Variants in HES4 observed in about 807,000 individuals in gnomAD.
HES4 encodes the protein transcription factor HES-4.
A neutral mutation model predicts 10.7 loss-of-function variants in HES4; 17 were observed. The ratio of observed to expected loss-of-function variants is 1.59; its 90% CI spans 1.09 to 2.38. HES4 has a LOEUF of 2.38. HES4 is among the 30% of genes most tolerant of loss of function. HES4 has a pLI of 0.00. For missense variants in HES4, 389 were observed against 332.1 expected (o/e 1.17, Z -1.33); for synonymous variants, 189 against 159.7 (o/e 1.18, Z -1.38).
In HES4 at chr1:999,936, G is replaced by A. The variant is rs371089974; in HGVS notation, c.38C>T (p.Pro13Leu). Residue 13 changes from proline (P) to leucine (L), a missense_variant, in exon 1 of 4, where the codon CCG (proline) becomes CTG (leucine). Physicochemically the swap from Pro to Leu is moderately conservative, Grantham distance 98. Transcript: ENST00000304952. ...GGCGCTGGCCGGCGCTCCTGCCATC[G>A]GCGAGGCGCTCGGTTTCCCCGGCGT... Reference protein sequence around the residue: ...ADTPGKPSASPMAGAPASASR... With the variant: ...ADTPGKPSASLMAGAPASASR... The A allele has an allele frequency of 3.4e-6, 5 of 1,458,864 alleles. No homozygotes were observed. Among genetic ancestry groups the A allele is most frequent in the East Asian group, 6.0e-5 (2 of 33,348 alleles). 90.4% of individuals were successfully genotyped at this position (1,458,864 alleles called of 1,614,324 possible). A position where few individuals can be genotyped will look rare whatever the true frequency, so the allele number is the denominator to read the frequency against.
Position 1,000,094 on chromosome 1 carries a change from C to CCGCG in HES4, c.-122_-121insCGCG. ...CCTAGGGCGGATCCCGGCTCCAGGC[C>CCGCG]CGCGCGCGCCTCAGGCCGTTTCCCT... On this transcript the variant is annotated 5_prime_UTR_variant, in exon 1 of 4. Coordinates refer to ENST00000304952, the MANE Select transcript of HES4 (RefSeq NM_021170.4). 1 of 818,784 alleles carries CCGCG rather than the reference C, an allele frequency of 1.2e-6. No individual in the cohort carries two copies. Among genetic ancestry groups the CCGCG allele is most frequent in the Non-Finnish European group, 1.6e-6 (1 of 639,426 alleles). 50.7% of individuals were successfully genotyped at this position (818,784 alleles called of 1,614,324 possible). A position where few individuals can be genotyped will look rare whatever the true frequency, so the allele number is the denominator to read the frequency against.
At position 999,540 on chromosome 1, in the gene HES4, C is replaced by G; in HGVS notation, c.278G>C (p.Arg93Pro). ...CCGCGCCTCACCCGTCACCTGCACG[C>G]GACGCAGGCTCCGCAGGTGTCTCAC... ...MTVRHLRSLR[R>P]VQVTAALSAD... The change falls in exon 3 of 4, where the codon CGC (arginine) becomes CCC (proline). Residue 93 changes from arginine (R) to proline (P), a missense_variant. Coordinates refer to ENST00000304952, the MANE Select transcript of HES4 (RefSeq NM_021170.4). 2 of 1,601,906 alleles carry G rather than the reference C, an allele frequency of 1.2e-6. No individual in the cohort carries two copies. The highest frequency in any genetic ancestry group is 1.4e-5 in the African/African-American group (1 of 73,940).
At position 1,000,044 on chromosome 1, in the gene HES4, C is replaced by A; in HGVS notation, c.-71G>T. On this transcript the variant is annotated 5_prime_UTR_variant, in exon 1 of 4. Transcript: ENST00000304952. ...GACCACGGGCGGGCTGGCGGGCGAG[C>A]GGCGAGCGCGCGGCGATCCGAGCCC... The A allele has an allele frequency of 8.5e-7, 1 of 1,173,262 alleles. No individual in the cohort carries two copies. The highest frequency in any genetic ancestry group is 1.1e-6 in the Non-Finnish European group (1 of 949,250). The allele number at this position is 1,173,262 out of a possible 1,614,324, so 72.7% of individuals were successfully genotyped here. A position where few individuals can be genotyped will look rare whatever the true frequency, so the allele number is the denominator to read the frequency against.
intron 3 of HES4, 37 bp downstream of exon 3, chr1:999,489 T>TC (rs776770657): frequency 2.6e-5 from 40 of 1,550,682 alleles, no homozygotes; most frequent in Non-Finnish European, 2.9e-5. Context: ...TCCCGCGCCC[T>TC]CCCCCCGCCT....
In HES4 at chr1:999,310, G is replaced by A. The variant is rs774240630; in HGVS notation, c.415C>T (p.Leu139=). 5 of 1,475,650 alleles carry A rather than the reference G, an allele frequency of 3.4e-6. No homozygotes were observed. In the South Asian group the frequency reaches 6.4e-5, roughly 19 times the overall value. 91.4% of individuals were successfully genotyped at this position (1,475,650 alleles called of 1,614,324 possible). A position where few individuals can be genotyped will look rare whatever the true frequency, so the allele number is the denominator to read the frequency against. The change falls in exon 4 of 4, where the codon CTG becomes TTG. Residue 139 remains leucine (L), a synonymous_variant. Coordinates refer to ENST00000304952, the MANE Select transcript of HES4 (RefSeq NM_021170.4). ...AGGCAGGCTGCCAGGTGGCCCAGCA[G>A]GCGGGAGCGCACGTCGGCCGGGACG... ...EGVPADVRSR[L]LGHLAACLRQ...
At position 1,000,094 on chromosome 1, in the gene HES4, CCG is replaced by C. The variant is rs1014128468; in HGVS notation, c.-123_-122del. On this transcript the variant is annotated 5_prime_UTR_variant, in exon 1 of 4. Transcript: ENST00000304952. Reference sequence around the variant, plus strand: ...CCTAGGGCGGATCCCGGCTCCAGGCCCGCGCGCGCCTCAGGCCGTTTCCCTAT... The same window carrying C: ...CCTAGGGCGGATCCCGGCTCCAGGCCCGCGCGCCTCAGGCCGTTTCCCTAT... The C allele has an allele frequency of 1.2e-6, 1 of 818,782 alleles. No individual in the cohort carries two copies. The highest frequency in any genetic ancestry group is 1.6e-6 in the Non-Finnish European group (1 of 639,424). 50.7% of individuals were successfully genotyped at this position (818,782 alleles called of 1,614,324 possible). A position where few individuals can be genotyped will look rare whatever the true frequency, so the allele number is the denominator to read the frequency against.
At position 999,868 on chromosome 1, in the gene HES4, T is replaced by A; in HGVS notation, c.106A>T (p.Lys36Ter). 1 of 1,556,586 alleles carries A rather than the reference T, an allele frequency of 6.4e-7. No homozygotes were observed. The highest frequency in any genetic ancestry group is 2.4e-5 in the East Asian group (1 of 41,294). The change falls in exon 1 of 4, where the codon AAG (lysine) becomes TAG (stop). Residue 36 changes from lysine to a stop codon, truncating the protein, a stop_gained and splice_region_variant. Coordinates refer to ENST00000304952, the MANE Select transcript of HES4 (RefSeq NM_021170.4). LOFTEE classifies it high-confidence loss of function. ...CTCACGCCCGGCCGGGACCCCACCT[T>A]GCGGTGCTCGGCCGCGCTCCGGGGC... ...DKPRSAAEHR[K>*]SSKPVMEKRR...
Position 999,539 on chromosome 1 carries a change from G to A in HES4, c.279C>T (p.Arg93=), listed in dbSNP as rs1276152628. The A allele has an allele frequency of 2.5e-6, 4 of 1,601,168 alleles. No individual in the cohort carries two copies. The East Asian group carries it at 6.8e-5, about 27-fold the overall frequency. The change falls in exon 3 of 4, where the codon CGC becomes CGT. Residue 93 remains arginine (R), a synonymous_variant. Coordinates refer to ENST00000304952, the MANE Select transcript of HES4 (RefSeq NM_021170.4). ...MTVRHLRSLR[R]VQVTAALSAD... is the part of the protein sequence containing the mutation. ...CCCGCGCCTCACCCGTCACCTGCAC[G>A]CGACGCAGGCTCCGCAGGTGTCTCA...
chr1:999,509 C>G lies in HES4; in HGVS notation c.292+17G>C. 1 of 1,577,074 alleles carries G rather than the reference C, an allele frequency of 6.3e-7. No homozygotes were observed. The highest frequency in any genetic ancestry group is 8.6e-7 in the Non-Finnish European group (1 of 1,164,588). ...CGCCCTCCCCCCGCCTCCAAGCCGC[C>G]GCCGCCCGCGCCTCACCCGTCACCT... On this transcript the variant is annotated intron_variant, in intron 3 of 3. Transcript: ENST00000304952.
At chr1:999,488 C>T (rs768679501) in intron 3 of HES4, 38 bp downstream of exon 3, 1 of 1,560,378 alleles carries the variant, frequency 6.4e-7, no homozygotes, top group Middle Eastern at 2.0e-4. Context: ...GTCCCGCGCC[C>T]TCCCCCCGCC....
chr1:999,453 G>A (rs780405198), intron 3 of HES4, 21 bp from the exon 4 acceptor site: 166 of 1,551,576 alleles, frequency 1.1e-4, no homozygotes, highest in Non-Finnish European at 1.3e-4. Flanking sequence ...GACACAGGAG[G>A]AGAGGTCGGT....
rs747930284 is a variant in HES4 at position 999,672 on chromosome 1, G to A, written c.204+20C>T. On this transcript the variant is annotated intron_variant, in intron 2 of 3. Coordinates refer to ENST00000304952, the MANE Select transcript of HES4 (RefSeq NM_021170.4). ...GCTGCGACCCAGACTCCGGGTCTCG[G>A]GCCTTCGCCCCCGACTTACCTCTTT... 3.1e-6 allele frequency: 5 copies of A among 1,611,628 alleles called. No individual in the cohort carries two copies. The South Asian group carries it at 5.5e-5, about 18-fold the overall frequency.
rs781051403 is a variant in HES4 at position 999,748 on chromosome 1, T to C, written c.148A>G (p.Ile50Val). Residue 50 changes from isoleucine (I) to valine (V), a missense_variant, in exon 2 of 4, where the codon ATT (isoleucine) becomes GTT (valine). Coordinates refer to ENST00000304952, the MANE Select transcript of HES4 (RefSeq NM_021170.4). ...PVMEKRRRAR[I>V]NESLAQLKTL... ...TTGAGCTGAGCGAGGCTCTCGTTAA[T>C]ACGCGCTCGGCGCCGCTTCTCCATG... 106 of 1,611,614 alleles carry C rather than the reference T, an allele frequency of 6.6e-5. No individual in the cohort carries two copies. The highest frequency in any genetic ancestry group is 8.9e-5 in the Non-Finnish European group (105 of 1,179,440).
Position 999,047 on chromosome 1 carries a change from AG to A in HES4, c.*11del, listed in dbSNP as rs1446529463. 1 of 1,265,238 alleles carries A rather than the reference AG, an allele frequency of 7.9e-7. No individual in the cohort carries two copies. The highest frequency in any genetic ancestry group is 1.0e-6 in the Non-Finnish European group (1 of 1,003,024). The allele number at this position is 1,265,238 out of a possible 1,614,324, so 78.4% of individuals were successfully genotyped here. On this transcript the variant is annotated 3_prime_UTR_variant, in exon 4 of 4. Transcript: ENST00000304952. ...GGGGCGCCGCCTCCGATGCAGTCTC[AG>A]GGCCACAGCCTCAGCGCAGCCACGG...
At position 999,630 on chromosome 1, in the gene HES4, G is replaced by A. The variant is rs1332390766; in HGVS notation, c.205-17C>T. ...GCGGGAGCTCTGGGGGCGGGGATAG[G>A]CGGGAGGTCCAGGTCAGCTGCGACC... On this transcript the variant is annotated splice_polypyrimidine_tract_variant and intron_variant, in intron 2 of 3. Coordinates refer to ENST00000304952, the MANE Select transcript of HES4 (RefSeq NM_021170.4). 1 of 1,608,198 alleles carries A rather than the reference G, an allele frequency of 6.2e-7. No homozygotes were observed. Among genetic ancestry groups the A allele is most frequent in the Admixed American group, 1.7e-5 (1 of 59,640 alleles).
Position 999,434 on chromosome 1 carries a change from T to A in HES4, c.293-2A>T, listed in dbSNP as rs1290462569. On this transcript the variant is annotated splice_acceptor_variant, in intron 3 of 3. Transcript: ENST00000304952. LOFTEE classifies it high-confidence loss of function. ...CGGCGGGGTCGGCGCTGAGCGCGGC[T>A]GCGGGAGCGACACAGGAGGAGAGGT... The A allele has an allele frequency of 2.6e-6, 4 of 1,512,578 alleles. No homozygotes were observed. The African/African-American group carries it at 5.8e-5, about 22-fold the overall frequency. The allele number at this position is 1,512,578 out of a possible 1,614,324, so 93.7% of individuals were successfully genotyped here.
chr1:999,794 G>A lies in HES4; in HGVS notation c.109-7C>T, dbSNP rs750389909. 2.5e-6 allele frequency: 4 copies of A among 1,610,474 alleles called. No homozygotes were observed. Among genetic ancestry groups the A allele is most frequent in the Middle Eastern group, 1.7e-4 (1 of 5,892 alleles). On this transcript the variant is annotated splice_polypyrimidine_tract_variant and splice_region_variant and intron_variant, in intron 1 of 3. Coordinates refer to ENST00000304952, the MANE Select transcript of HES4 (RefSeq NM_021170.4). Reference sequence around the variant, plus strand: ...CCATGACCGGCTTGGAGGACTGCGGGTCGGGCACCGGCTGAGTCCCGCGTC... The same window carrying A: ...CCATGACCGGCTTGGAGGACTGCGGATCGGGCACCGGCTGAGTCCCGCGTC...
At position 999,536 on chromosome 1, in the gene HES4, C is replaced by T. The variant is rs562379758; in HGVS notation, c.282G>A (p.Val94=). The part of the protein sequence containing the change: ...TVRHLRSLRR[V]QVTAALSADP... ...CCGCCCGCGCCTCACCCGTCACCTGCACGCGACGCAGGCTCCGCAGGTGTC... is the reference window on the plus strand; with the variant it reads ...CCGCCCGCGCCTCACCCGTCACCTGTACGCGACGCAGGCTCCGCAGGTGTC... The change falls in exon 3 of 4, where the codon GTG becomes GTA. Residue 94 remains valine, a synonymous_variant. Coordinates refer to ENST00000304952, the MANE Select transcript of HES4 (RefSeq NM_021170.4). 7 of 1,600,718 alleles carry T rather than the reference C, an allele frequency of 4.4e-6. No homozygotes were observed. In the East Asian group the frequency reaches 6.8e-5, roughly 16 times the overall value.
rs771196923 is a variant in HES4 at position 999,082 on chromosome 1, GCCCACCCGGGCCCTGCGGC to G, written c.624_642del (p.Gln210GlyfsTer30). On this transcript the variant is annotated frameshift_variant, in exon 4 of 4. Coordinates refer to ENST00000304952, the MANE Select transcript of HES4 (RefSeq NM_021170.4). LOFTEE classifies it high-confidence loss of function. The stretch of plus-strand genomic sequence containing the variant: ...CCTCAGCGCAGCCACGGCCTCCAGG[GCCCACCCGGGCCCTGCGGC>G]CCCGCCCTGGGGGCGGCGGGCAGCG... 23 of 1,238,236 alleles carry G rather than the reference GCCCACCCGGGCCCTGCGGC, an allele frequency of 1.9e-5. No individual in the cohort carries two copies. The East Asian group carries it at 6.4e-4, about 34-fold the overall frequency. 76.7% of individuals were successfully genotyped at this position (1,238,236 alleles called of 1,614,324 possible). A position where few individuals can be genotyped will look rare whatever the true frequency, so the allele number is the denominator to read the frequency against.
Sources: allele counts gnomAD v4.1 joint callset, GRCh38; gene constraint gnomAD v4.1.1; transcripts MANE v1.5; gene names NCBI Gene and HGNC (gene_info 2026-07-23, HGNC 2026-07-21).